Variants in RFTN2 observed in about 807,000 individuals in gnomAD.
RFTN2 encodes raftlin family member 2.
Under a neutral mutation model 52.7 loss-of-function variants are expected in RFTN2, and 34 were observed. The observed-to-expected ratio is 0.64, with a 90% CI of 0.49 to 0.86. The LOEUF (loss-of-function observed/expected upper bound fraction) is 0.86. RFTN2 is among the 40% of genes least tolerant of loss of function. The probability of loss-of-function intolerance (pLI) is 0.00; values close to 1 mark genes in which losing one functional copy is unlikely to be tolerated. For synonymous variants in RFTN2, 203 were observed against 217.7 expected (o/e 0.93, Z 0.59); for missense variants, 536 against 600.1 (o/e 0.89, Z 1.12).
At chr2:197,579,652 C>A (rs1258713450) in intron 8 of RFTN2, among the ~76,000 whole-genome samples, 1 of 152,008 alleles carries the variant, frequency 6.6e-6, no homozygotes, top group Admixed American at 6.6e-5. Context: ...TGACTTGTCC[C>A]AAATCCTCCT....
chr2:197,572,372 G>GTCT, intron 8 of RFTN2, 92 bp from the exon 9 acceptor site: 1 of 1,272,448 alleles, frequency 7.9e-7, no homozygotes, highest in East Asian at 2.3e-5. Context: ...CTGCCTCCAG[G>GTCT]AATGTCCTTT....
At chr2:197,662,433 T>C (rs955243213) in intron 1 of RFTN2, among the ~76,000 whole-genome samples, 3 of 152,236 alleles carry the variant, frequency 2.0e-5, no homozygotes, top group Non-Finnish European at 4.4e-5. Context: ...ACAGTAAATA[T>C]GCAAATTTAT....
rs1188983440 is a variant in RFTN2 at position 197,675,444 on chromosome 2, A to G, written c.15T>C (p.Leu5=). 6.3e-7 allele frequency: 1 copy of G among 1,593,952 alleles called. No homozygotes were observed. The highest frequency in any genetic ancestry group is 1.8e-5 in the Admixed American group (1 of 56,714). MGCG[L]RKLEDPDDSS... is the part of the protein sequence containing the mutation. ...TATCATCAGGGTCTTCTAGCTTTCT[A>G]AGTCCGCACCCCATGGCAAAATCTG... The change falls in exon 1 of 9, where the codon CTT becomes CTC. Residue 5 remains leucine, a synonymous_variant. Coordinates refer to ENST00000295049, the MANE Select transcript of RFTN2 (RefSeq NM_144629.3).
At chr2:197,629,699 C>CACACACAT (rs1225425798) in intron 5 of RFTN2, among the ~76,000 whole-genome samples, 1 of 113,596 alleles carries the variant, frequency 8.8e-6, no homozygotes, top group Non-Finnish European at 2.0e-5. Context: ...CACACACACA[C>CACACACAT]ATATTTATTT....
At chr2:197,652,094 A>G (rs1475463221) in intron 1 of RFTN2, among the ~76,000 whole-genome samples, 2 of 152,214 alleles carry the variant, frequency 1.3e-5, no homozygotes, top group African/African-American at 2.4e-5. Context: ...GTATCTTTCA[A>G]TACTGTAGGC....
chr2:197,675,436 A>T lies in RFTN2; in HGVS notation c.23T>A (p.Leu8Gln). ...AGGGCTGCTATCATCAGGGTCTTCTAGCTTTCTAAGTCCGCACCCCATGGC... is the reference window on the plus strand; with the variant it reads ...AGGGCTGCTATCATCAGGGTCTTCTTGCTTTCTAAGTCCGCACCCCATGGC... MGCGLRK[L>Q]EDPDDSSPGK... Residue 8 changes from leucine to glutamine, a missense_variant, in exon 1 of 9, where the codon CTA (leucine) becomes CAA (glutamine). Leu to Gln is a moderately radical substitution (Grantham distance 113, BLOSUM62 -2). Transcript: ENST00000295049. 5.0e-6 allele frequency: 8 copies of T among 1,597,888 alleles called. No individual in the cohort carries two copies. Among genetic ancestry groups the T allele is most frequent in the Non-Finnish European group, 3.4e-6 (4 of 1,172,474 alleles).
intron 8 of RFTN2, among the ~76,000 whole-genome samples, chr2:197,588,360 T>C (rs1431540852): frequency 6.6e-6 from 1 of 152,222 alleles, no homozygotes; most frequent in Non-Finnish European, 1.5e-5. Flanking sequence ...ATTTTTATTT[T>C]TTATTTGTAG....
chr2:197,644,339 G>T, intron 2 of RFTN2, 67 bp from the exon 3 acceptor site: 1 of 827,930 alleles, frequency 1.2e-6, no homozygotes, highest in Non-Finnish European at 2.1e-6. Context: ...ATGCTCATGT[G>T]AAAATGAGTG....
chr2:197,571,915 A>G lies in RFTN2; in HGVS notation c.*93T>C, dbSNP rs150188887. The G allele has an allele frequency of 5.1e-6, 7 of 1,366,848 alleles. No individual in the cohort carries two copies. Among genetic ancestry groups the G allele is most frequent in the South Asian group, 2.7e-5 (2 of 72,926 alleles). The allele number at this position is 1,366,848 out of a possible 1,614,324, so 84.7% of individuals were successfully genotyped here. A position where few individuals can be genotyped will look rare whatever the true frequency, so the allele number is the denominator to read the frequency against. On this transcript the variant is annotated 3_prime_UTR_variant, in exon 9 of 9. Coordinates refer to ENST00000295049, the MANE Select transcript of RFTN2 (RefSeq NM_144629.3). ...GCTGGGTCTGGAAAAATTCAAAAAT[A>G]TTACATAAATGCAGAGAAAGTAATA...
At chr2:197,638,226 G>C (rs868474997) in intron 3 of RFTN2, among the ~76,000 whole-genome samples, 2,849 of 105,266 alleles carry the variant, frequency 0.027, 128 homozygotes, top group African/African-American at 0.084. Context: ...TTGATTTGGG[G>C]TGGAGAGTTC....
intron 1 of RFTN2, among the ~76,000 whole-genome samples, chr2:197,668,991 C>G (rs957507502): frequency 6.6e-6 from 1 of 152,206 alleles, no homozygotes; most frequent in South Asian, 2.1e-4. Context: ...CCCAACTGAA[C>G]AGGCTGCCTC....
At chr2:197,597,006 T>C (rs1005021514) in intron 7 of RFTN2, among the ~76,000 whole-genome samples, 1 of 152,182 alleles carries the variant, frequency 6.6e-6, no homozygotes, top group African/African-American at 2.4e-5. Context: ...GTTACGACTT[T>C]TATTATGCAA....
At chr2:197,633,313 C>T (rs2088496440) in intron 4 of RFTN2, among the ~76,000 whole-genome samples, 1 of 152,148 alleles carries the variant, frequency 6.6e-6, no homozygotes, top group Admixed American at 6.6e-5. Context: ...AGGTTAAAAC[C>T]ATCCATGAAA....
chr2:197,657,735 A>C (rs1311547277), intron 1 of RFTN2, among the ~76,000 whole-genome samples: 2 of 152,232 alleles, frequency 1.3e-5, no homozygotes, highest in Non-Finnish European at 2.9e-5. Flanking sequence ...GATGTAAACA[A>C]AAGGAGTGTA....
At chr2:197,593,654 C>G (rs1357262286) in intron 8 of RFTN2, among the ~76,000 whole-genome samples, 1 of 151,802 alleles carries the variant, frequency 6.6e-6, no homozygotes, top group African/African-American at 2.4e-5. Flanking sequence ...TGTGGGAGGC[C>G]GAGGTGGGGG....
intron 4 of RFTN2, among the ~76,000 whole-genome samples, chr2:197,631,559 A>T (rs1477765143): frequency 6.6e-6 from 1 of 152,216 alleles, no homozygotes; most frequent in African/African-American, 2.4e-5. Flanking sequence ...AAATTTTTTT[A>T]AAAATGGTAT....
At chr2:197,575,826 TATATA>T (rs1388828652) in intron 8 of RFTN2, among the ~76,000 whole-genome samples, 2 of 84,168 alleles carry the variant, frequency 2.4e-5, no homozygotes, top group African/African-American at 8.0e-5. Flanking sequence ...ATATATTCTA[TATATA>T]ATATATTATA....
intron 1 of RFTN2, among the ~76,000 whole-genome samples, chr2:197,659,972 G>A (rs1387023297): frequency 2.6e-5 from 4 of 152,182 alleles, no homozygotes; most frequent in African/African-American, 9.7e-5. Flanking sequence ...AGTGTTTTAT[G>A]TGCCAATTCT....
chr2:197,621,654 T>C (rs1176610010), intron 5 of RFTN2, among the ~76,000 whole-genome samples: 1 of 152,110 alleles, frequency 6.6e-6, no homozygotes, highest in African/African-American at 2.4e-5. Flanking sequence ...TGAATTTAAC[T>C]GATAAACGTT....
Sources: allele counts gnomAD v4.1 joint callset (sites outside exome capture counted in the v4.1 genomes callset), GRCh38; gene constraint gnomAD v4.1.1; transcripts MANE v1.5; gene names NCBI Gene and HGNC (gene_info 2026-07-23, HGNC 2026-07-21).